The following ADHFE1 variants were observed in gnomAD, a reference collection of about 807,000 sequenced individuals.
The protein encoded by ADHFE1 is alcohol dehydrogenase iron containing 1.
A neutral mutation model predicts 54.8 loss-of-function variants in ADHFE1; 37 were observed. That is an observed-to-expected ratio of 0.68 (90% CI 0.52 to 0.89). ADHFE1 has a LOEUF of 0.89. Ranked by LOEUF, ADHFE1 falls within the 40% of genes least tolerant of loss-of-function variation. The probability of loss-of-function intolerance (pLI) is 0.00; values close to 1 mark genes in which losing one functional copy is unlikely to be tolerated. For missense variants in ADHFE1, 601 were observed against 591.2 expected, an observed-to-expected ratio of 1.02 and a Z score of -0.17; for synonymous variants, 203 against 229.3, an observed-to-expected ratio of 0.89 and a Z score of 1.04.
intron 13 of ADHFE1, among the ~76,000 whole-genome samples, chr8:66,467,000 A>C (rs928739792): frequency 6.8e-5 from 10 of 146,160 alleles, no homozygotes; most frequent in Non-Finnish European, 1.5e-4. Flanking sequence ...CATTAAACAC[A>C]GGAATGGTAG....
Position 66,445,411 on chromosome 8 carries a change from G to T in ADHFE1, c.547G>T (p.Ala183Ser). ...GTCTGTGCCTCTTAAGCCTCTGATT[G>T]CAGGTAAAGACTGTTTATTTCTTTG... is the stretch of plus-strand genomic sequence containing the variant. The part of the protein sequence containing the change: ...PVSVPLKPLI[A>S]VPTTSGTGSE... The change falls in exon 6 of 14, where the codon GCA becomes TCA. Residue 183 changes from alanine (A) to serine (S), a missense_variant. Coordinates refer to ENST00000396623, the MANE Select transcript of ADHFE1 (RefSeq NM_144650.3). The T allele has an allele frequency of 6.2e-7, 1 of 1,607,202 alleles. No homozygotes were observed. Among genetic ancestry groups the T allele is most frequent in the Non-Finnish European group, 8.5e-7 (1 of 1,178,106 alleles).
chr8:66,446,246 C>A (rs1806016907), intron 6 of ADHFE1, among the ~76,000 whole-genome samples: 1 of 152,156 alleles, frequency 6.6e-6, no homozygotes, highest in South Asian at 2.1e-4. Flanking sequence ...TCTGGTGAAA[C>A]TGTGTCAGCA....
In ADHFE1 at chr8:66,432,573, A is replaced by AGCGTGAGTGCGGGGCCGC; in HGVS notation, c.59+15_59+16insCGCGTGAGTGCGGGGCCG. 1.5e-6 allele frequency: 2 copies of AGCGTGAGTGCGGGGCCGC among 1,337,708 alleles called. No individual in the cohort carries two copies. The highest frequency in any genetic ancestry group is 1.9e-6 in the Non-Finnish European group (2 of 1,036,328). 82.9% of individuals were successfully genotyped at this position (1,337,708 alleles called of 1,614,324 possible). ...ACTTGCTGAGGCAACTGCAACGCGC[A>AGCGTGAGTGCGGGGCCGC]GCGTGAGTGCGGGGCCGGCGGGCGG... On this transcript the variant is annotated stop_gained and inframe_insertion and splice_region_variant, in exon 1 of 14. Coordinates refer to ENST00000396623, the MANE Select transcript of ADHFE1 (RefSeq NM_144650.3). LOFTEE classifies it high-confidence loss of function.
At chr8:66,441,400 TA>T (rs1168218346) in intron 2 of ADHFE1, among the ~76,000 whole-genome samples, 12 of 152,142 alleles carry the variant, frequency 7.9e-5, no homozygotes, top group African/African-American at 2.7e-4. Context: ...CGGGACAGAT[TA>T]TTTTTTTTAA....
chr8:66,462,271 AT>A, intron 13 of ADHFE1, among the ~76,000 whole-genome samples: 1 of 152,074 alleles, frequency 6.6e-6, no homozygotes, highest in Non-Finnish European at 1.5e-5. Flanking sequence ...GGTCATAGTG[AT>A]TTTTTCCGGA....
At chr8:66,453,633 A>T in intron 9 of ADHFE1, 1 of 1,261,228 alleles carries the variant, frequency 7.9e-7, no homozygotes, top group South Asian at 1.2e-5. Context: ...GTCCAGTGGG[A>T]GGCAGTGTCT....
At chr8:66,444,339 T>C in intron 3 of ADHFE1, 28 bp from the exon 4 acceptor site, 1 of 1,611,916 alleles carries the variant, frequency 6.2e-7, no homozygotes, top group East Asian at 2.2e-5. Context: ...AAATACTCCC[T>C]ACACCTAAAC....
At position 66,444,278 on chromosome 8, in the gene ADHFE1, T is replaced by C. The variant is rs931981467; in HGVS notation, c.145-89T>C. The C allele has an allele frequency of 1.3e-5, 16 of 1,234,934 alleles. No individual in the cohort carries two copies. In the African/African-American group the frequency reaches 1.8e-4, roughly 14 times the overall value. The allele number at this position is 1,234,934 out of a possible 1,614,324, so 76.5% of individuals were successfully genotyped here. A position where few individuals can be genotyped will look rare whatever the true frequency, so the allele number is the denominator to read the frequency against. On this transcript the variant is annotated intron_variant, in intron 3 of 13. Coordinates refer to ENST00000396623, the MANE Select transcript of ADHFE1 (RefSeq NM_144650.3). The stretch of plus-strand genomic sequence containing the variant: ...GCTAAGGAGTGTATACTTTATGCTC[T>C]AGGCAACAAGAAACCATTTCAGGTT...
intron 12 of ADHFE1, among the ~76,000 whole-genome samples, chr8:66,458,855 A>T (rs1364028104): frequency 6.6e-6 from 1 of 151,996 alleles, no homozygotes; most frequent in African/African-American, 2.4e-5. Flanking sequence ...AGAGATTTCG[A>T]TGGTGTTTTA....
intron 8 of ADHFE1, among the ~76,000 whole-genome samples, chr8:66,450,341 A>T (rs1342340951): frequency 1.3e-5 from 2 of 152,232 alleles, no homozygotes; most frequent in Admixed American, 1.3e-4. Context: ...CTGTCAATCA[A>T]AGTGGGGAGT....
intron 12 of ADHFE1, chr8:66,459,616 A>G (rs1211726161): frequency 6.6e-6 from 1 of 151,796 alleles, no homozygotes; most frequent in Non-Finnish European, 1.5e-5. Context: ...TTTCATCAAT[A>G]CCATTATTAT....
intron 11 of ADHFE1, 24 bp from the exon 12 acceptor site, chr8:66,457,046 T>C (rs767562506): frequency 1.2e-6 from 2 of 1,606,306 alleles, no homozygotes; most frequent in East Asian, 2.2e-5. Flanking sequence ...CATCTGCCGG[T>C]CACCGCATTT....
intron 1 of ADHFE1, 53 bp downstream of exon 1, chr8:66,432,628 C>G: frequency 7.8e-7 from 1 of 1,276,250 alleles, no homozygotes; most frequent in African/African-American, 1.5e-5. Context: ...CCACGCAGCC[C>G]CCTGGGTGTG....
Position 66,445,548 on chromosome 8 carries a change from T to A in ADHFE1, c.550+134T>A. On this transcript the variant is annotated intron_variant, in intron 6 of 13. Coordinates refer to ENST00000396623, the MANE Select transcript of ADHFE1 (RefSeq NM_144650.3). ...TGTTCATTTCAAATCAATGCCTTGT[T>A]TGGAGAACAATCATTCATTTTAAAA... The A allele has an allele frequency of 6.0e-6, 5 of 835,488 alleles. No homozygotes were observed. In the South Asian group the frequency reaches 8.1e-5, roughly 14 times the overall value. 51.8% of individuals were successfully genotyped at this position (835,488 alleles called of 1,614,324 possible).
At chr8:66,438,204 G>A (rs1458165536) in intron 1 of ADHFE1, among the ~76,000 whole-genome samples, 1 of 152,194 alleles carries the variant, frequency 6.6e-6, no homozygotes, top group African/African-American at 2.4e-5. Context: ...CGAGAAGCCA[G>A]TTGGGAATTT....
chr8:66,454,124 G>T lies in ADHFE1; in HGVS notation c.953G>T (p.Gly318Val). ...SHMHLASAFA[G>V]IGFGNAGVHL... is the part of the protein sequence containing the mutation. ...ATGCACTTGGCAAGTGCTTTTGCTG[G>T]CATCGGCTTTGGAAATGCTGGTGTT... Residue 318 changes from glycine (G) to valine (V), a missense_variant, in exon 10 of 14, where the codon GGC becomes GTC. Physicochemically the swap from Gly to Val is moderately radical, Grantham distance 109 (BLOSUM62 -3). Coordinates refer to ENST00000396623, the MANE Select transcript of ADHFE1 (RefSeq NM_144650.3). 2 of 1,614,144 alleles carry T rather than the reference G, an allele frequency of 1.2e-6. No homozygotes were observed. Among genetic ancestry groups the T allele is most frequent in the Non-Finnish European group, 1.7e-6 (2 of 1,180,014 alleles).
intron 1 of ADHFE1, among the ~76,000 whole-genome samples, chr8:66,433,778 A>G (rs1224803708): frequency 6.6e-6 from 1 of 152,270 alleles, no homozygotes; most frequent in Non-Finnish European, 1.5e-5. Context: ...GAAGCTCCTT[A>G]CTGCTGTATT....
chr8:66,453,627 A>C, intron 9 of ADHFE1: 10 of 1,216,028 alleles, frequency 8.2e-6, no homozygotes, highest in Non-Finnish European at 1.1e-5. Flanking sequence ...CAGTGGGTCC[A>C]GTGGGAGGCA....
intron 12 of ADHFE1, among the ~76,000 whole-genome samples, chr8:66,458,494 G>A (rs895073665): frequency 6.6e-6 from 1 of 152,138 alleles, no homozygotes; most frequent in African/African-American, 2.4e-5. Flanking sequence ...CCATATTTTG[G>A]GACTCAGCTG....
Sources: gnomAD v4.1 joint callset for allele counts (sites outside exome capture counted in the v4.1 genomes callset) on GRCh38, gnomAD v4.1.1 for gene constraint, MANE v1.5 for transcripts, NCBI Gene and HGNC (gene_info 2026-07-23, HGNC 2026-07-21) for gene names.